RAC1: variants seen among roughly 807,000 people sequenced by gnomAD.
RAC1 encodes ras-related C3 botulinum toxin substrate 1.
A neutral mutation model predicts 25.2 loss-of-function variants in RAC1; 2 were observed. The observed-to-expected ratio is 0.08, with a 90% CI of 0.03 to 0.25. The LOEUF (loss-of-function observed/expected upper bound fraction) is 0.25, where lower values mean the gene tolerates loss of function less well. Among genes scored for constraint, RAC1 ranks in the 10% least tolerant of loss-of-function variants. The pLI is 1.00. For missense variants in RAC1, 50 were observed against 235.7 expected (o/e 0.21, Z 5.16); for synonymous variants, 88 against 94.0 (o/e 0.94, Z 0.37).
intron 1 of RAC1, among the ~76,000 whole-genome samples, chr7:6,375,623 G>A (rs950718937): frequency 6.6e-6 from 1 of 151,916 alleles, no homozygotes; most frequent in Non-Finnish European, 1.5e-5. Flanking sequence ...GATGCTGGCT[G>A]GGAGGAGCCG....
At chr7:6,401,838 T>C (rs1783412427) in intron 4 of RAC1, 30 bp from the exon 5 acceptor site, 1 of 1,597,650 alleles carries the variant, frequency 6.3e-7, no homozygotes, top group Non-Finnish European at 8.5e-7. Flanking sequence ...AAGGAGCGTG[T>C]CACAACCTCT....
At chr7:6,377,198 CTG>C (rs1562460177) in intron 1 of RAC1, among the ~76,000 whole-genome samples, 1 of 144,382 alleles carries the variant, frequency 6.9e-6, no homozygotes, top group Admixed American at 6.9e-5. Flanking sequence ...AGTTTTCAGT[CTG>C]TTTTTTTTTT....
intron 3 of RAC1, among the ~76,000 whole-genome samples, chr7:6,399,017 GC>G (rs904262497): frequency 6.6e-6 from 1 of 152,204 alleles, no homozygotes; most frequent in African/African-American, 2.4e-5. Context: ...CCTCCCGGAA[GC>G]CCACCTGGCT....
At chr7:6,400,531 A>G (rs763272157) in intron 4 of RAC1, among the ~76,000 whole-genome samples, 6 of 151,876 alleles carry the variant, frequency 4.0e-5, no homozygotes, top group Non-Finnish European at 1.5e-5. Context: ...GGTTTTGTAG[A>G]CCCTGGCTTG....
chr7:6,391,732 G>A lies in RAC1; in HGVS notation c.108-192G>A, dbSNP rs570252206. 2.3e-4 allele frequency among the ~76,000 whole-genome samples: 35 copies of A among 152,086 alleles called. No individual in the cohort carries two copies. Among genetic ancestry groups the A allele is most frequent in the Non-Finnish European group, 4.4e-4 (30 of 68,020 alleles). ...GTTTCTTTCATTTCTCTTAAGTTTTGGGTTGGGTTTGGTTTGTTTCCCGCA... is the reference window on the plus strand; with the variant it reads ...GTTTCTTTCATTTCTCTTAAGTTTTAGGTTGGGTTTGGTTTGTTTCCCGCA... On this transcript the variant is annotated intron_variant, in intron 2 of 5. Transcript: ENST00000348035.
At chr7:6,400,965 G>A (rs529220531) in intron 4 of RAC1, among the ~76,000 whole-genome samples, 3 of 151,560 alleles carry the variant, frequency 2.0e-5, no homozygotes, top group East Asian at 2.0e-4. Context: ...GTGGGCCACC[G>A]TGCCCGGCTG....
chr7:6,402,256 G>C, intron 5 of RAC1, 60 bp from the exon 6 acceptor site: 1 of 1,541,170 alleles, frequency 6.5e-7, no homozygotes. Flanking sequence ...TCCCGCTGGT[G>C]GTGTGATCAG....
At chr7:6,391,598 G>A (rs836481) in intron 2 of RAC1, 11,903 of 308,952 alleles carry the variant, frequency 0.039, 655 homozygotes, top group African/African-American at 0.15. Flanking sequence ...TTGAAAGCGG[G>A]GCTAATTGTA....
intron 2 of RAC1, among the ~76,000 whole-genome samples, chr7:6,388,132 G>T (rs1042509918): frequency 1.2e-4 from 18 of 152,010 alleles, no homozygotes; most frequent in African/African-American, 4.4e-4. Context: ...ATTGGGTGGA[G>T]ACAGGAAAGT....
intron 3 of RAC1, among the ~76,000 whole-genome samples, chr7:6,398,422 C>A (rs536442998): frequency 6.6e-6 from 1 of 152,308 alleles, no homozygotes; most frequent in East Asian, 1.9e-4. Context: ...GTTGCCCCCC[C>A]TCAGGATCTC....
At chr7:6,400,719 A>C (rs946164234) in intron 4 of RAC1, among the ~76,000 whole-genome samples, 1 of 151,956 alleles carries the variant, frequency 6.6e-6, no homozygotes, top group Non-Finnish European at 1.5e-5. Context: ...CTTGTTGCCC[A>C]GGCTGGAGTG....
At chr7:6,388,591 A>G (rs1430014451) in intron 2 of RAC1, among the ~76,000 whole-genome samples, 1 of 151,706 alleles carries the variant, frequency 6.6e-6, no homozygotes, top group Admixed American at 6.6e-5. Context: ...TGATCTGCCC[A>G]CTTCAGCCTC....
Position 6,402,269 on chromosome 7 carries a change from G to A in RAC1, c.449-47G>A, listed in dbSNP as rs1451151840. ...CCTCCCGCTGGTGGTGTGATCAGAAGAGAGTGGGGTCGAGTGTACATTGCC... is the reference window on the plus strand; with the variant it reads ...CCTCCCGCTGGTGGTGTGATCAGAAAAGAGTGGGGTCGAGTGTACATTGCC... On this transcript the variant is annotated intron_variant, in intron 5 of 5. Transcript: ENST00000348035. 5 of 1,559,672 alleles carry A rather than the reference G, an allele frequency of 3.2e-6. No homozygotes were observed. The South Asian group carries it at 6.0e-5, about 19-fold the overall frequency.
Position 6,403,499 on chromosome 7 carries a change from G to A in RAC1, c.*1053G>A, listed in dbSNP as rs1783479425. The A allele has an allele frequency of 4.6e-6, 1 of 219,696 alleles. No individual in the cohort carries two copies. Among genetic ancestry groups the A allele is most frequent in the East Asian group, 6.8e-5 (1 of 14,746 alleles). 13.6% of individuals were successfully genotyped at this position (219,696 alleles called of 1,614,324 possible). On this transcript the variant is annotated 3_prime_UTR_variant, in exon 6 of 6. Coordinates refer to ENST00000348035, the MANE Select transcript of RAC1 (RefSeq NM_006908.5). ...CATTAGAAGGTTTTTTTGTCGATTA[G>A]TAAAAGTGCTTTCCATGTTACTTTA...
intron 1 of RAC1, among the ~76,000 whole-genome samples, chr7:6,383,422 A>G (rs1300149036): frequency 1.9e-5 from 2 of 107,354 alleles, no homozygotes; most frequent in South Asian, 3.2e-4. Flanking sequence ...AAGCTTAAAT[A>G]TAAGGTTGCA....
chr7:6,397,258 AAAAG>A (rs1783269825), intron 3 of RAC1, among the ~76,000 whole-genome samples: 1 of 150,070 alleles, frequency 6.7e-6, no homozygotes, highest in Non-Finnish European at 1.5e-5. Context: ...AAAAAGAAAA[AAAAG>A]AAAAAAAGAA....
Position 6,400,163 on chromosome 7 carries a change from C to T in RAC1, c.263C>T (p.Ala88Val). The T allele has an allele frequency of 6.2e-7, 1 of 1,611,438 alleles. No homozygotes were observed. The highest frequency in any genetic ancestry group is 8.5e-7 in the Non-Finnish European group (1 of 1,178,810). The change falls in exon 4 of 6, where the codon GCA becomes GTA. Residue 88 changes from alanine to valine, a missense_variant. Physicochemically the swap from Ala to Val is moderately conservative, Grantham distance 64. Transcript: ENST00000348035. Reference sequence around the variant, plus strand: ...ATTTGCTTTTCCCTTGTGAGTCCTGCATCATTTGAAAATGTCCGTGCAAAG... The same window carrying T: ...ATTTGCTTTTCCCTTGTGAGTCCTGTATCATTTGAAAATGTCCGTGCAAAG... ...FLICFSLVSP[A>V]SFENVRAKWY...
chr7:6,381,412 G>T (rs1336064366), intron 1 of RAC1, among the ~76,000 whole-genome samples: 12 of 132,190 alleles, frequency 9.1e-5, no homozygotes, highest in African/African-American at 2.7e-4. Context: ...TTTTTTGGTA[G>T]AAACAGAGTC....
At chr7:6,377,713 G>C (rs1008165662) in intron 1 of RAC1, among the ~76,000 whole-genome samples, 13 of 152,148 alleles carry the variant, frequency 8.5e-5, no homozygotes, top group Non-Finnish European at 1.5e-5. Context: ...TCAGGAGTTT[G>C]AGACCAGTCT....
Sources: gnomAD v4.1 joint callset for allele counts (sites outside exome capture counted in the v4.1 genomes callset) on GRCh38, gnomAD v4.1.1 for gene constraint, MANE v1.5 for transcripts, NCBI Gene and HGNC (gene_info 2026-07-23, HGNC 2026-07-21) for gene names.